BANK1: variants seen among roughly 807,000 people sequenced by gnomAD.
BANK1 encodes the protein B cell scaffold protein with ankyrin repeats 1.
Under a neutral mutation model 94.5 loss-of-function variants are expected in BANK1, and 95 were observed. The observed-to-expected ratio is 1.00, with a 90% CI of 0.85 to 1.19. The LOEUF is 1.19. BANK1 is among the 50% of genes most tolerant of loss of function. The pLI is 0.00. For synonymous variants in BANK1, 334 were observed against 308.4 expected, an observed-to-expected ratio of 1.08 and a Z score of -0.87; for missense variants, 987 against 932.2, an observed-to-expected ratio of 1.06 and a Z score of -0.77.
intron 2 of BANK1, among the ~76,000 whole-genome samples, chr4:101,834,642 CAA>C (rs5860696): frequency 2.0e-5 from 3 of 150,764 alleles, no homozygotes; most frequent in African/African-American, 7.3e-5. Context: ...GAGATCAGTA[CAA>C]AAAAAAATGG....
At chr4:101,880,521 A>G (rs559366386) in intron 5 of BANK1, among the ~76,000 whole-genome samples, 1 of 152,288 alleles carries the variant, frequency 6.6e-6, no homozygotes, top group South Asian at 2.1e-4. Flanking sequence ...CTACAGATTC[A>G]ATGCAATCCT....
At chr4:101,846,411 A>G (rs1215114334) in intron 2 of BANK1, among the ~76,000 whole-genome samples, 1 of 152,216 alleles carries the variant, frequency 6.6e-6, no homozygotes, top group Non-Finnish European at 1.5e-5. Flanking sequence ...GTATGCATGG[A>G]TAAAACTGTG....
At chr4:101,879,425 A>G (rs940301832) in intron 5 of BANK1, among the ~76,000 whole-genome samples, 11 of 152,220 alleles carry the variant, frequency 7.2e-5, no homozygotes, top group African/African-American at 2.4e-4. Flanking sequence ...ACCTTAACAG[A>G]CCAATAACAA....
intron 6 of BANK1, among the ~76,000 whole-genome samples, chr4:101,896,867 A>C (rs1722098702): frequency 6.6e-6 from 1 of 151,982 alleles, no homozygotes; most frequent in South Asian, 2.1e-4. Flanking sequence ...CAAAAGAATG[A>C]AAATAATCTT....
At chr4:101,994,414 A>T (rs987987818) in intron 7 of BANK1, among the ~76,000 whole-genome samples, 1 of 152,188 alleles carries the variant, frequency 6.6e-6, no homozygotes, top group Non-Finnish European at 1.5e-5. Flanking sequence ...ACAGGGTTGT[A>T]CATTATTTTG....
Position 101,918,031 on chromosome 4 carries a change from G to A in BANK1, c.1048G>A (p.Ala350Thr), listed in dbSNP as rs1337372347. 1.2e-6 allele frequency: 2 copies of A among 1,611,330 alleles called. No individual in the cohort carries two copies. Among genetic ancestry groups the A allele is most frequent in the Non-Finnish European group, 1.7e-6 (2 of 1,178,194 alleles). Reference protein sequence around the residue: ...FKELPTLLHCAAKFGLKNLAI... With the variant: ...FKELPTLLHCTAKFGLKNLAI... ...AGAACTTCCAACTCTTCTCCACTGT[G>A]CAGCAAAATTTGGCTTAAAGAACCT... The change falls in exon 7 of 17, where the codon GCA (alanine) becomes ACA (threonine). Residue 350 changes from alanine (A) to threonine (T), a missense_variant. Coordinates refer to ENST00000322953, the MANE Select transcript of BANK1 (RefSeq NM_017935.5).
intron 1 of BANK1, among the ~76,000 whole-genome samples, chr4:101,792,905 T>A (rs923676080): frequency 6.6e-6 from 1 of 152,174 alleles, no homozygotes; most frequent in African/African-American, 2.4e-5. Flanking sequence ...CTAGTTAGAA[T>A]GTATTTTCTG....
In BANK1 at chr4:102,071,302, G is replaced by C. The variant is rs1449731331; in HGVS notation, c.2240G>C (p.Gly747Ala). The C allele has an allele frequency of 6.2e-7, 1 of 1,613,622 alleles. No homozygotes were observed. Among genetic ancestry groups the C allele is most frequent in the Non-Finnish European group, 8.5e-7 (1 of 1,179,724 alleles). ...AAACTCACCATTGTGCACCATCCAGGTGGTAAGTGCTTGGTATTTATTGAA... is the reference window on the plus strand; with the variant it reads ...AAACTCACCATTGTGCACCATCCAGCTGGTAAGTGCTTGGTATTTATTGAA... ...YNKLTIVHHP[G>A]GKETAHNENK... Residue 747 changes from glycine to alanine, a missense_variant and splice_region_variant, in exon 14 of 17, where the codon GGT becomes GCT. By Grantham distance (60) the Gly-to-Ala change is moderately conservative (BLOSUM62 0). Transcript: ENST00000322953.
chr4:101,902,084 T>A (rs1349113452), intron 6 of BANK1, among the ~76,000 whole-genome samples: 1 of 152,118 alleles, frequency 6.6e-6, no homozygotes, highest in African/African-American at 2.4e-5. Context: ...TTTACACCAT[T>A]CCTATCTGGC....
chr4:101,972,584 A>T (rs1344925720), intron 7 of BANK1: 1 of 152,062 alleles, frequency 6.6e-6, no homozygotes, highest in African/African-American at 2.4e-5. Flanking sequence ...CCTATTCATC[A>T]TCAATGAAAA....
At chr4:101,977,373 G>T (rs1725172815) in intron 7 of BANK1, among the ~76,000 whole-genome samples, 2 of 152,150 alleles carry the variant, frequency 1.3e-5, no homozygotes, top group Non-Finnish European at 1.5e-5. Flanking sequence ...CCAACTTTAT[G>T]ATGTGCCCAA....
rs182092486 is a variant in BANK1 at position 101,839,020 on chromosome 4, C to T, written c.469+8814C>T. 2.2e-4 allele frequency among the ~76,000 whole-genome samples: 33 copies of T among 152,180 alleles called. No individual in the cohort carries two copies. In the East Asian group the frequency reaches 6.2e-3, roughly 28 times the overall value. On this transcript the variant is annotated intron_variant, in intron 2 of 16. Transcript: ENST00000322953. ...AGAGTGAGAAACTTATATATTTTAA[C>T]TTTATTCTTGACTGAGAAACACAAT...
intron 1 of BANK1, among the ~76,000 whole-genome samples, chr4:101,811,633 T>G (rs1445069520): frequency 6.6e-6 from 1 of 152,168 alleles, no homozygotes; most frequent in Admixed American, 6.6e-5. Context: ...CATGATACAT[T>G]TTAAAAATGC....
chr4:101,910,527 C>T (rs1722629018), intron 6 of BANK1, among the ~76,000 whole-genome samples: 1 of 151,678 alleles, frequency 6.6e-6, no homozygotes, highest in South Asian at 2.1e-4. Flanking sequence ...ACTAAATTTT[C>T]TACTAAAAAT....
At chr4:101,898,699 T>C (rs1450794031) in intron 6 of BANK1, among the ~76,000 whole-genome samples, 1 of 152,074 alleles carries the variant, frequency 6.6e-6, no homozygotes, top group Non-Finnish European at 1.5e-5. Flanking sequence ...TATTGCCGCA[T>C]CCTCAATTTA....
intron 2 of BANK1, among the ~76,000 whole-genome samples, chr4:101,832,396 G>T (rs1199352055): frequency 6.6e-6 from 1 of 152,074 alleles, no homozygotes; most frequent in African/African-American, 2.4e-5. Flanking sequence ...TAAGTTTACG[G>T]TTTATTTTTC....
intron 5 of BANK1, among the ~76,000 whole-genome samples, chr4:101,875,550 T>C (rs1387788058): frequency 1.3e-5 from 2 of 152,008 alleles, no homozygotes; most frequent in Non-Finnish European, 2.9e-5. Context: ...TAGAACTCAC[T>C]CACTATCATG....
intron 7 of BANK1, 88 bp downstream of exon 7, chr4:101,918,277 C>A: frequency 1.1e-6 from 1 of 913,110 alleles, no homozygotes. Context: ...TTACCTTTAC[C>A]GTTTTCTTTA....
At chr4:101,995,738 G>C (rs907510657) in intron 7 of BANK1, among the ~76,000 whole-genome samples, 1 of 151,794 alleles carries the variant, frequency 6.6e-6, no homozygotes, top group African/African-American at 2.4e-5. Flanking sequence ...CCACATAAAT[G>C]TCTTCCTTTG....
Sources: gnomAD v4.1 joint callset for allele counts (sites outside exome capture counted in the v4.1 genomes callset) on GRCh38, gnomAD v4.1.1 for gene constraint, MANE v1.5 for transcripts, NCBI Gene and HGNC (gene_info 2026-07-23, HGNC 2026-07-21) for gene names.